PDE1A: variants seen among roughly 807,000 people sequenced by gnomAD.
PDE1A encodes the protein phosphodiesterase 1A.
A neutral mutation model predicts 61.7 loss-of-function variants in PDE1A; 35 were observed. The ratio of observed to expected loss-of-function variants is 0.57; its 90% CI spans 0.43 to 0.75. PDE1A has a LOEUF of 0.75. Ranked by LOEUF, PDE1A falls within the 30% of genes least tolerant of loss-of-function variation. The pLI is 0.00. For synonymous variants in PDE1A, 232 were observed against 213.2 expected, an observed-to-expected ratio of 1.09 and a Z score of -0.77; for missense variants, 597 against 630.6, an observed-to-expected ratio of 0.95 and a Z score of 0.57.
intron 1 of PDE1A, among the ~76,000 whole-genome samples, chr2:182,396,223 A>C (rs1394225573): frequency 1.3e-5 from 2 of 152,228 alleles, no homozygotes; most frequent in African/African-American, 4.8e-5. Context: ...ACCACCCAAA[A>C]GAGGACAGCT....
chr2:182,596,954 G>C, the PDE1A span, among the ~76,000 whole-genome samples: 2 of 152,072 alleles, frequency 1.3e-5, no homozygotes, highest in South Asian at 2.1e-4. Flanking sequence ...AGGAATTTGA[G>C]TCCAGCCTGG....
At chr2:182,670,096 G>C in the PDE1A span, among the ~76,000 whole-genome samples, 4 of 152,156 alleles carry the variant, frequency 2.6e-5, no homozygotes, top group Non-Finnish European at 2.9e-5. Flanking sequence ...CAGATATCTT[G>C]TCCAGCCCAC....
At chr2:182,658,580 GCA>G in the PDE1A span, among the ~76,000 whole-genome samples, 3 of 152,190 alleles carry the variant, frequency 2.0e-5, no homozygotes, top group African/African-American at 7.2e-5. Context: ...TAATGACATA[GCA>G]TAGGTGGATT....
At chr2:182,271,324 A>G (rs1025874912) in intron 1 of PDE1A, among the ~76,000 whole-genome samples, 2 of 152,074 alleles carry the variant, frequency 1.3e-5, no homozygotes, top group African/African-American at 4.8e-5. Context: ...AGTATGGCAA[A>G]CAGTATTACT....
chr2:182,501,496 C>CTGTT (rs779195216), intron 2 of PDE1A, among the ~76,000 whole-genome samples: 91 of 152,302 alleles, frequency 6.0e-4, no homozygotes, highest in South Asian at 4.4e-3. Context: ...ACAGCCTCTT[C>CTGTT]TGTTTTGAAG....
chr2:182,238,266 C>CAAAAAAAAAAAAAAAAA (rs3063250), intron 3 of PDE1A, among the ~76,000 whole-genome samples: 9 of 98,090 alleles, frequency 9.2e-5, no homozygotes, highest in Admixed American at 2.5e-4. Context: ...CAGACTACGT[C>CAAAAAAAAAAAAAAAAA]AAAAAAAAAA....
intron 13 of PDE1A, among the ~76,000 whole-genome samples, chr2:182,154,617 C>T (rs182936865): frequency 6.6e-6 from 1 of 152,130 alleles, no homozygotes. Flanking sequence ...CTGCTTCTTG[C>T]CTCTCTTGCC....
At chr2:182,589,693 T>C in the PDE1A span, among the ~76,000 whole-genome samples, 2 of 152,210 alleles carry the variant, frequency 1.3e-5, no homozygotes, top group African/African-American at 4.8e-5. Flanking sequence ...TCTATCTAAA[T>C]CTCACTGCTC....
intron 1 of PDE1A, among the ~76,000 whole-genome samples, chr2:182,280,173 A>AT (rs1693708522): frequency 6.6e-6 from 1 of 151,772 alleles, no homozygotes; most frequent in Admixed American, 6.6e-5. Context: ...GAATTACTGC[A>AT]TTTTTTACTA....
chr2:182,164,437 CTGAG>C (rs1214987102), downstream of PDE1A, among the ~76,000 whole-genome samples: 1 of 152,086 alleles, frequency 6.6e-6, no homozygotes, highest in Non-Finnish European at 1.5e-5. Flanking sequence ...ATAGACCTCT[CTGAG>C]TGGGCAAAAA....
intron 2 of PDE1A, among the ~76,000 whole-genome samples, chr2:182,465,187 T>A (rs1202233777): frequency 1.3e-5 from 2 of 152,122 alleles, no homozygotes; most frequent in African/African-American, 4.8e-5. Context: ...TAATGGGAGA[T>A]GACAATTTTG....
intron 13 of PDE1A, among the ~76,000 whole-genome samples, chr2:182,159,509 T>C (rs537327444): frequency 6.6e-6 from 1 of 152,336 alleles, no homozygotes; most frequent in Non-Finnish European, 1.5e-5. Flanking sequence ...ACTCGACTGA[T>C]TGATGGACAG....
the PDE1A span, among the ~76,000 whole-genome samples, chr2:182,653,213 A>T: frequency 1.3e-5 from 2 of 152,326 alleles, no homozygotes; most frequent in African/African-American, 2.4e-5. Context: ...TAATTTATTT[A>T]AAAAAGGAAA....
intron 2 of PDE1A, among the ~76,000 whole-genome samples, chr2:182,245,872 TA>T (rs80101870): frequency 0.17 from 26,479 of 152,164 alleles, 2,497 homozygotes; most frequent in East Asian, 0.32. Flanking sequence ...GATGGTATCA[TA>T]AGTGTTTAGT....
chr2:182,662,892 CA>C, the PDE1A span, among the ~76,000 whole-genome samples: 509 of 152,224 alleles, frequency 3.3e-3, 3 homozygotes, highest in Non-Finnish European at 5.2e-3. Flanking sequence ...AGTAAACGGA[CA>C]ACCTAGAGAA....
At chr2:182,222,000 A>T (rs1323081990) in intron 7 of PDE1A, among the ~76,000 whole-genome samples, 2 of 152,024 alleles carry the variant, frequency 1.3e-5, no homozygotes, top group African/African-American at 4.8e-5. Flanking sequence ...TATTCCCCAC[A>T]TCAAACAATA....
At chr2:182,198,496 GT>G (rs1686328414) in intron 10 of PDE1A, among the ~76,000 whole-genome samples, 1 of 151,760 alleles carries the variant, frequency 6.6e-6, no homozygotes, top group African/African-American at 2.4e-5. Context: ...CTTTGATCAG[GT>G]TGAGAAAGGT....
At chr2:182,341,924 C>CT (rs1559355928) in intron 1 of PDE1A, among the ~76,000 whole-genome samples, 1 of 151,870 alleles carries the variant, frequency 6.6e-6, no homozygotes. Context: ...CACCCAGCTA[C>CT]TTTTTTTAAA....
At chr2:182,321,523 A>G (rs1696689043) in intron 1 of PDE1A, among the ~76,000 whole-genome samples, 1 of 152,164 alleles carries the variant, frequency 6.6e-6, no homozygotes, top group African/African-American at 2.4e-5. Flanking sequence ...AGAACAAAAT[A>G]CAATCGGTAT....
Sources: gnomAD v4.1 joint callset for allele counts (sites outside exome capture counted in the v4.1 genomes callset) on GRCh38, gnomAD v4.1.1 for gene constraint, MANE v1.5 for transcripts, NCBI Gene and HGNC (gene_info 2026-07-23, HGNC 2026-07-21) for gene names.